The following LRBA variants were observed in gnomAD, a reference collection of about 807,000 sequenced individuals.
LRBA encodes LPS responsive beige-like anchor protein.
Under a neutral mutation model 330.0 loss-of-function variants are expected in LRBA, and 176 were observed. That is an observed-to-expected ratio of 0.53 (90% CI 0.47 to 0.60). The LOEUF (loss-of-function observed/expected upper bound fraction) is 0.60, where lower values mean the gene tolerates loss of function less well. Among genes scored for constraint, LRBA ranks in the 20% least tolerant of loss-of-function variants. The pLI is 0.00. For missense variants in LRBA, 3,259 were observed against 3,444.8 expected (o/e 0.95, Z 1.35); for synonymous variants, 1,230 against 1,193.0 (o/e 1.03, Z -0.64).
intron 40 of LRBA, among the ~76,000 whole-genome samples, chr4:150,570,316 G>C (rs1488185638): frequency 6.6e-6 from 1 of 152,008 alleles, no homozygotes; most frequent in Non-Finnish European, 1.5e-5. Context: ...TGTGTAAAGT[G>C]TCCCCACTGT....
intron 38 of LRBA, among the ~76,000 whole-genome samples, chr4:150,592,331 G>A (rs757218985): frequency 2.0e-5 from 3 of 151,088 alleles, no homozygotes; most frequent in Non-Finnish European, 4.4e-5. Flanking sequence ...AGGTTCTTAG[G>A]GTTTGATAAG....
intron 40 of LRBA, among the ~76,000 whole-genome samples, chr4:150,527,840 GA>G (rs1763636598): frequency 6.6e-6 from 1 of 152,156 alleles, no homozygotes; most frequent in Non-Finnish European, 1.5e-5. Flanking sequence ...GTTCTCCAGG[GA>G]CAACTGAGGG....
At chr4:150,589,807 TGG>T (rs991380454) in intron 39 of LRBA, among the ~76,000 whole-genome samples, 6 of 152,110 alleles carry the variant, frequency 3.9e-5, no homozygotes, top group Non-Finnish European at 7.4e-5. Flanking sequence ...AAGGAAGAAA[TGG>T]GTAAATGGAT....
intron 34 of LRBA, among the ~76,000 whole-genome samples, chr4:150,772,805 T>C (rs897775467): frequency 1.3e-5 from 2 of 152,154 alleles, no homozygotes; most frequent in Non-Finnish European, 2.9e-5. Flanking sequence ...CTGAACCTGT[T>C]ACAGAGCCTT....
At chr4:150,721,123 C>T in intron 36 of LRBA, 1 of 592,084 alleles carries the variant, frequency 1.7e-6, no homozygotes, top group Non-Finnish European at 3.3e-6. Context: ...TGGGGAGATA[C>T]TCTGGAGGAA....
At chr4:150,614,296 T>C (rs1775557786) in intron 37 of LRBA, among the ~76,000 whole-genome samples, 3 of 152,192 alleles carry the variant, frequency 2.0e-5, no homozygotes, top group Admixed American at 2.0e-4. Context: ...TGGGGAGATA[T>C]TGAAGAGTTT....
chr4:150,298,684 T>C (rs550954132), intron 53 of LRBA, among the ~76,000 whole-genome samples: 1 of 152,234 alleles, frequency 6.6e-6, no homozygotes, highest in African/African-American at 2.4e-5. Context: ...GTTAGGTTTT[T>C]TTCTCAGTAG....
chr4:150,610,593 A>AAAAC (rs548234556), intron 37 of LRBA, among the ~76,000 whole-genome samples: 145 of 152,154 alleles, frequency 9.5e-4, no homozygotes, highest in African/African-American at 2.9e-3. Context: ...CCATCACAAA[A>AAAAC]AAACAAACAA....
intron 37 of LRBA, among the ~76,000 whole-genome samples, chr4:150,626,035 G>A (rs1288860360): frequency 6.6e-6 from 1 of 151,436 alleles, no homozygotes; most frequent in Admixed American, 6.6e-5. Context: ...GGATTCTAAT[G>A]TCTAGCCAGG....
chr4:150,467,969 C>T (rs1222770603), intron 43 of LRBA, among the ~76,000 whole-genome samples, 184 bp from the exon 44 acceptor site: 1 of 151,994 alleles, frequency 6.6e-6, no homozygotes, highest in Non-Finnish European at 1.5e-5. Flanking sequence ...CTCCATTTCA[C>T]AGATGAAAAA....
chr4:150,368,949 T>C (rs1321127855), intron 47 of LRBA, among the ~76,000 whole-genome samples: 4 of 152,176 alleles, frequency 2.6e-5, no homozygotes, highest in Non-Finnish European at 4.4e-5. Context: ...AAATATCTGA[T>C]GGTGTATGGA....
intron 2 of LRBA, among the ~76,000 whole-genome samples, chr4:150,967,333 A>G (rs1480176997): frequency 6.6e-6 from 1 of 152,196 alleles, no homozygotes; most frequent in Non-Finnish European, 1.5e-5. Flanking sequence ...CTCACTTCCC[A>G]TGTTGTCCCT....
chr4:150,423,131 C>T (rs570746855), intron 46 of LRBA: 7 of 931,560 alleles, frequency 7.5e-6, no homozygotes, highest in Non-Finnish European at 1.2e-5. Context: ...AGGAAGCTAC[C>T]ACCACCAAAG....
intron 11 of LRBA, among the ~76,000 whole-genome samples, chr4:150,907,927 T>C (rs1180900176): frequency 6.6e-6 from 1 of 152,052 alleles, no homozygotes; most frequent in East Asian, 1.9e-4. Context: ...CAATCAGTAA[T>C]AAATAATTAA....
chr4:150,694,478 C>CAAAAAAAAAAAAAAAAAAAA (rs1784445227), intron 36 of LRBA, among the ~76,000 whole-genome samples: 1 of 19,126 alleles, frequency 5.2e-5, no homozygotes, highest in Non-Finnish European at 2.5e-4. Context: ...AAAAAAAAAG[C>CAAAAAAAAAAAAAAAAAAAA]TATCTACAGA....
intron 34 of LRBA, among the ~76,000 whole-genome samples, chr4:150,763,332 T>C (rs1192836385): frequency 6.6e-6 from 1 of 151,932 alleles, no homozygotes; most frequent in East Asian, 1.9e-4. Context: ...AAGTGTATTC[T>C]AGGTATAATT....
chr4:150,523,490 T>A (rs1763140450), intron 40 of LRBA, among the ~76,000 whole-genome samples: 1 of 152,080 alleles, frequency 6.6e-6, no homozygotes, highest in African/African-American at 2.4e-5. Flanking sequence ...ACACCAGAAC[T>A]ATAATAAATT....
chr4:150,358,096 T>TA (rs1251270046), intron 47 of LRBA, among the ~76,000 whole-genome samples: 1 of 152,116 alleles, frequency 6.6e-6, no homozygotes, highest in East Asian at 1.9e-4. Context: ...AGGGACTGAG[T>TA]TAATCCTGAG....
chr4:150,621,368 G>C (rs1277764699), intron 37 of LRBA, among the ~76,000 whole-genome samples: 1 of 151,968 alleles, frequency 6.6e-6, no homozygotes, highest in Non-Finnish European at 1.5e-5. Context: ...TTTGTATATT[G>C]TAAGTTGTGC....
Sources: allele counts gnomAD v4.1 joint callset (sites outside exome capture counted in the v4.1 genomes callset), GRCh38; gene constraint gnomAD v4.1.1; transcripts MANE v1.5; gene names NCBI Gene and HGNC (gene_info 2026-07-23, HGNC 2026-07-21).